The following PCDHGB2 variants were observed in gnomAD, a reference collection of about 807,000 sequenced individuals.
PCDHGB2 encodes the protein protocadherin gamma-B2.
Under a neutral mutation model 59.3 loss-of-function variants are expected in PCDHGB2, and 55 were observed. The ratio of observed to expected loss-of-function variants is 0.93; its 90% CI spans 0.75 to 1.16. The LOEUF is 1.16. Among genes scored for constraint, PCDHGB2 ranks in the 50% most tolerant of loss-of-function variants. The probability of loss-of-function intolerance (pLI) is 0.00; values close to 1 mark genes in which losing one functional copy is unlikely to be tolerated. For missense variants in PCDHGB2, 1,228 were observed against 1,198.5 expected, an observed-to-expected ratio of 1.02 and a Z score of -0.36; for synonymous variants, 516 against 512.0, an observed-to-expected ratio of 1.01 and a Z score of -0.11.
rs1257933448 is a variant in PCDHGB2, at chr5:141,490,285, G to C, written c.2422-4522G>C. 3 of 1,614,106 alleles carry C rather than the reference G, an allele frequency of 1.9e-6. No homozygotes were observed. In the African/African-American group the frequency reaches 4.0e-5, roughly 22 times the overall value. On this transcript the variant is annotated intron_variant, in intron 1 of 3. Coordinates refer to ENST00000522605, the MANE Select transcript of PCDHGB2 (RefSeq NM_018923.3). This position sits in a 1 kb window ranked among gnomAD's most constrained non-coding sequence, Gnocchi z 5.4. ...GGGGGATGTCAATGACAATGCCCCAGAGGTGCTATTGGCCTCTTTGGCCAA... is the reference window on the plus strand; with the variant it reads ...GGGGGATGTCAATGACAATGCCCCACAGGTGCTATTGGCCTCTTTGGCCAA...
chr5:141,393,614 C>T (rs971778718), intron 1 of PCDHGB2: 2 of 1,613,778 alleles, frequency 1.2e-6, no homozygotes, highest in Non-Finnish European at 1.7e-6. Flanking sequence ...TAACAGCCAG[C>T]GACCCGGATG....
In PCDHGB2 at chr5:141,360,936, CGACCGG is replaced by C. The variant is rs1761810016; in HGVS notation, c.804_809del (p.Arg269_Asp270del). On this transcript the variant is annotated inframe_deletion, in exon 1 of 4. Transcript: ENST00000522605. Reference sequence around the variant, plus strand: ...TCTTTGTGCTTCAAGTGACAGCCACCGACCGGGATGAAGGCATAAACGCAGAGATCA... The same window carrying C: ...TCTTTGTGCTTCAAGTGACAGCCACCGATGAAGGCATAAACGCAGAGATCA... 6.2e-7 allele frequency: 1 copy of C among 1,613,836 alleles called. No homozygotes were observed. Among genetic ancestry groups the C allele is most frequent in the African/African-American group, 1.3e-5 (1 of 74,902 alleles).
At chr5:141,423,785 A>G (rs531378008) in intron 1 of PCDHGB2, 48 of 1,269,536 alleles carry the variant, frequency 3.8e-5, no homozygotes, top group Non-Finnish European at 4.4e-5. Context: ...TTTAGTTCAT[A>G]TATATTTAGA....
In PCDHGB2 at chr5:141,422,911, G is replaced by C. The variant is rs375046528; in HGVS notation, c.2421+60355G>C. ...GCTGGACCAGAACGACAATGCGCCC[G>C]AGATCCTGTACCCTGCCCTCCCCAC... On this transcript the variant is annotated intron_variant, in intron 1 of 3. Transcript: ENST00000522605. 41 of 1,614,236 alleles carry C rather than the reference G, an allele frequency of 2.5e-5. No individual in the cohort carries two copies. Among genetic ancestry groups the C allele is most frequent in the Non-Finnish European group, 3.2e-5 (38 of 1,180,046 alleles).
chr5:141,393,268 A>C, intron 1 of PCDHGB2: 1 of 1,613,946 alleles, frequency 6.2e-7, no homozygotes, highest in South Asian at 1.1e-5. Flanking sequence ...GGAGCACGTT[A>C]TCCACTCCCA....
chr5:141,377,182 A>G (rs958059395), intron 1 of PCDHGB2: 9 of 152,144 alleles, frequency 5.9e-5, no homozygotes, highest in Non-Finnish European at 8.8e-5. Flanking sequence ...TTCTTGGCAA[A>G]CTATTTGTGT....
rs1561858566 is a variant in PCDHGB2 at position 141,432,177 on chromosome 5, C to G, written c.2422-62630C>G. ...AATCCCAGAGGAGTTTCCCTCGTCTCTGTGACCGCCCACGACCCCGACTGT... is the reference window on the plus strand; with the variant it reads ...AATCCCAGAGGAGTTTCCCTCGTCTGTGTGACCGCCCACGACCCCGACTGT... On this transcript the variant is annotated intron_variant, in intron 1 of 3. Transcript: ENST00000522605. This position sits in a 1 kb window ranked among gnomAD's most constrained non-coding sequence, Gnocchi z 6.0. The G allele has an allele frequency of 6.2e-7, 1 of 1,614,220 alleles. No homozygotes were observed. Among genetic ancestry groups the G allele is most frequent in the Admixed American group, 1.7e-5 (1 of 60,032 alleles).
At chr5:141,375,357 C>T in intron 1 of PCDHGB2, 3 of 1,613,858 alleles carry the variant, frequency 1.9e-6, no homozygotes, top group African/African-American at 1.3e-5. Flanking sequence ...GTGACAGCCA[C>T]GGACAAAGGA....
intron 1 of PCDHGB2, chr5:141,372,157 T>A: frequency 2.5e-6 from 4 of 1,613,774 alleles, no homozygotes; most frequent in Non-Finnish European, 3.4e-6. Flanking sequence ...GGCTACCTGG[T>A]GACCAAGGTG....
chr5:141,470,915 C>A (rs2099244061), intron 1 of PCDHGB2, among the ~76,000 whole-genome samples: 1 of 152,010 alleles, frequency 6.6e-6, no homozygotes, highest in Non-Finnish European at 1.5e-5. Flanking sequence ...GGGACTGTCC[C>A]TATGTTGCTC....
rs567934336 is a variant in PCDHGB2, at chr5:141,368,320, A to G, written c.2421+5764A>G. 5.3e-5 allele frequency among the ~76,000 whole-genome samples: 8 copies of G among 152,298 alleles called. No homozygotes were observed. The East Asian group carries it at 1.5e-3, about 29-fold the overall frequency. ...TTTAAACACTGTTAAAGAGCATTCA[A>G]GTATATCTATATCTATATACATATA... On this transcript the variant is annotated intron_variant, in intron 1 of 3. Transcript: ENST00000522605.
Position 141,423,157 on chromosome 5 carries a change from G to C in PCDHGB2, c.2421+60601G>C, listed in dbSNP as rs527921011. The C allele has an allele frequency of 7.4e-6, 12 of 1,610,820 alleles. No homozygotes were observed. The South Asian group carries it at 1.2e-4, about 16-fold the overall frequency. ...CAGAGACGCGCTCAAGCAGAGCCTC[G>C]TGGTGGCCGTCCAGGACCACGGCCA... On this transcript the variant is annotated intron_variant, in intron 1 of 3. Coordinates refer to ENST00000522605, the MANE Select transcript of PCDHGB2 (RefSeq NM_018923.3).
intron 3 of PCDHGB2, among the ~76,000 whole-genome samples, chr5:141,507,817 G>C (rs1038461861): frequency 3.3e-5 from 5 of 152,206 alleles, no homozygotes; most frequent in Non-Finnish European, 5.9e-5. Context: ...AACGGACCCT[G>C]GGGGTGGAGG....
At chr5:141,374,976 C>G (rs774690686) in intron 1 of PCDHGB2, 1 of 1,613,898 alleles carries the variant, frequency 6.2e-7, no homozygotes, top group African/African-American at 1.3e-5. Flanking sequence ...AATGTTTTGA[C>G]TGGAGAAATT....
At chr5:141,367,147 G>T in intron 1 of PCDHGB2, 1 of 167,442 alleles carries the variant, frequency 6.0e-6, no homozygotes. Context: ...ATAATGTATA[G>T]GACTGATATT....
At chr5:141,395,538 T>C (rs1459118809) in intron 1 of PCDHGB2, 1 of 225,772 alleles carries the variant, frequency 4.4e-6, no homozygotes, top group Non-Finnish European at 7.1e-6. Context: ...AATTTTGCTA[T>C]TGTTTGTGTG....
intron 1 of PCDHGB2, chr5:141,400,190 T>C: frequency 1.2e-6 from 2 of 1,614,016 alleles, no homozygotes; most frequent in Non-Finnish European, 1.7e-6. Context: ...CAGTTTTACC[T>C]AGTGGTGGCC....
chr5:141,365,833 G>T (rs1457711809), intron 1 of PCDHGB2: 2 of 1,613,920 alleles, frequency 1.2e-6, no homozygotes, highest in Non-Finnish European at 8.5e-7. Context: ...GGGCGCCCTT[G>T]TCCTCCTATG....
In PCDHGB2 at chr5:141,361,205, C is replaced by T. The variant is rs754494569; in HGVS notation, c.1070C>T (p.Pro357Leu). Residue 357 changes from proline (P) to leucine (L), a missense_variant, in exon 1 of 4, where the codon CCG becomes CTG. Physicochemically the swap from Pro to Leu is moderately conservative, Grantham distance 98. This residue lies in a region of PCDHGB2 where 781 missense variants were observed against 721.6 expected (regional missense o/e 1.08). Transcript: ENST00000522605. Reference sequence around the variant, plus strand: ...GTGACTTCAGTATCTACTCCCCTACCGGAGGATTCGCCACCAGGAACAGTG... The same window carrying T: ...GTGACTTCAGTATCTACTCCCCTACTGGAGGATTCGCCACCAGGAACAGTG... ...VIVTSVSTPL[P>L]EDSPPGTVIA... is the part of the protein sequence containing the mutation. 3.7e-6 allele frequency: 6 copies of T among 1,613,776 alleles called. No homozygotes were observed. In the Admixed American group the frequency reaches 8.3e-5, roughly 22 times the overall value.
Sources: allele counts gnomAD v4.1 joint callset (sites outside exome capture counted in the v4.1 genomes callset), GRCh38; gene constraint gnomAD v4.1.1; regional missense constraint gnomAD v4.1.1; non-coding constraint Gnocchi (gnomAD v3.1); transcripts MANE v1.5; gene names NCBI Gene and HGNC (gene_info 2026-07-23, HGNC 2026-07-21).